Variants in ZNF780A observed in about 807,000 individuals in gnomAD.
The protein encoded by ZNF780A is zinc finger protein 780A.
Under a neutral mutation model 56.7 loss-of-function variants are expected in ZNF780A, and 40 were observed. That is an observed-to-expected ratio of 0.71 (90% CI 0.55 to 0.92). The LOEUF (loss-of-function observed/expected upper bound fraction) is 0.92, where lower values mean the gene tolerates loss of function less well. ZNF780A is among the 40% of genes least tolerant of loss of function. The pLI is 0.00. For synonymous variants in ZNF780A, 231 were observed against 248.3 expected (o/e 0.93, Z 0.66); for missense variants, 672 against 783.3 (o/e 0.86, Z 1.70).
chr19:40,075,491 A>G lies in ZNF780A; in HGVS notation c.951T>C (p.His317=), dbSNP rs1974066319. The G allele has an allele frequency of 6.2e-7, 1 of 1,613,002 alleles. No homozygotes were observed. Among genetic ancestry groups the G allele is most frequent in the African/African-American group, 1.3e-5 (1 of 74,532 alleles). ...TTTGGCAATGTTCAATAAGTTGGTAATGATATCGAAAGGCCATCCCACATT... is the reference window on the plus strand; with the variant it reads ...TTTGGCAATGTTCAATAAGTTGGTAGTGATATCGAAAGGCCATCCCACATT... ...CKECGMAFRY[H]YQLIEHCQIH... The change falls in exon 6 of 6, where the codon CAT becomes CAC. Residue 317 remains histidine, a synonymous_variant. Transcript: ENST00000683561.
At chr19:40,080,189 C>A (rs1974392701) in intron 5 of ZNF780A, among the ~76,000 whole-genome samples, 1 of 152,128 alleles carries the variant, frequency 6.6e-6, no homozygotes, top group African/African-American at 2.4e-5. Flanking sequence ...AACTCCAGGA[C>A]TGATGGCTTC....
At position 40,083,105 on chromosome 19, in the gene ZNF780A, C is replaced by T. The variant is rs776602442; in HGVS notation, c.136+6G>A. On this transcript the variant is annotated splice_donor_region_variant and intron_variant, in intron 4 of 5. Coordinates refer to ENST00000683561, the MANE Select transcript of ZNF780A (RefSeq NM_001142578.2). ...TATAAAAATAGCTGGGACTCAACGACCTTACCCAGTGAGATCAGGTGGCTG... is the reference window on the plus strand; with the variant it reads ...TATAAAAATAGCTGGGACTCAACGATCTTACCCAGTGAGATCAGGTGGCTG... The T allele has an allele frequency of 3.1e-6, 5 of 1,614,060 alleles. No individual in the cohort carries two copies. In the African/African-American group the frequency reaches 6.7e-5, roughly 22 times the overall value.
At chr19:40,080,273 G>A (rs941692775) in intron 5 of ZNF780A, among the ~76,000 whole-genome samples, 15 of 152,120 alleles carry the variant, frequency 9.9e-5, no homozygotes, top group African/African-American at 3.4e-4. Flanking sequence ...TTCAGAGAAG[G>A]GAATTCTCCT....
rs763974437 is a variant in ZNF780A at position 40,081,792 on chromosome 19, C to T, written c.232+27G>A. The T allele has an allele frequency of 1.0e-5, 16 of 1,571,502 alleles. 1 individual carries two copies. Among genetic ancestry groups the T allele is most frequent in the Middle Eastern group, 1.7e-4 (1 of 5,938 alleles). On this transcript the variant is annotated intron_variant, in intron 5 of 5. Transcript: ENST00000683561. Reference sequence around the variant, plus strand: ...CACATGTCCAGGACAATGATGGCTTCCCCCCGCCTGCTTTACCCTCACTTA... The same window carrying T: ...CACATGTCCAGGACAATGATGGCTTTCCCCCGCCTGCTTTACCCTCACTTA...
At position 40,074,424 on chromosome 19, in the gene ZNF780A, C is replaced by T. The variant is rs1366839638; in HGVS notation, c.*92G>A. On this transcript the variant is annotated 3_prime_UTR_variant, in exon 6 of 6. Coordinates refer to ENST00000683561, the MANE Select transcript of ZNF780A (RefSeq NM_001142578.2). ...CCACAAATGAAGCCTTTCCCACACC[C>T]CTTACATTCACATGGTTTTACACCA... 8 of 1,570,396 alleles carry T rather than the reference C, an allele frequency of 5.1e-6. No individual in the cohort carries two copies. The highest frequency in any genetic ancestry group is 1.8e-5 in the Admixed American group (1 of 54,186).
Position 40,075,190 on chromosome 19 carries a change from C to T in ZNF780A, c.1252G>A (p.Glu418Lys). ...AAGCCTTTCCCACACTCCTTACATT[C>T]ATATGGTTTTATACCAGCATGAATA... Reference protein sequence around the residue: ...QSIHAGIKPYECKECGKGFNR... With the variant: ...QSIHAGIKPYKCKECGKGFNR... The change falls in exon 6 of 6, where the codon GAA becomes AAA. Residue 418 changes from glutamate to lysine, a missense_variant. Coordinates refer to ENST00000683561, the MANE Select transcript of ZNF780A (RefSeq NM_001142578.2). The T allele has an allele frequency of 6.2e-7, 1 of 1,613,372 alleles. No individual in the cohort carries two copies. The highest frequency in any genetic ancestry group is 8.5e-7 in the Non-Finnish European group (1 of 1,179,862).
At chr19:40,087,154 T>C (rs1974850998) in intron 2 of ZNF780A, among the ~76,000 whole-genome samples, 1 of 152,210 alleles carries the variant, frequency 6.6e-6, no homozygotes, top group Admixed American at 6.5e-5. Context: ...AGCTTAATGA[T>C]TTCTGTATTA....
chr19:40,085,401 A>C, intron 2 of ZNF780A: 1 of 953,936 alleles, frequency 1.0e-6, no homozygotes, highest in Non-Finnish European at 1.2e-6. Context: ...CGTTCAAGAT[A>C]TATGATTAAC....
At chr19:40,080,339 C>CA (rs1276902831) in intron 5 of ZNF780A, among the ~76,000 whole-genome samples, 5 of 151,908 alleles carry the variant, frequency 3.3e-5, no homozygotes, top group Admixed American at 3.3e-4. Context: ...AAGGAAGAAA[C>CA]AAAAAAAGAA....
chr19:40,084,174 G>A (rs1410101707), intron 3 of ZNF780A, among the ~76,000 whole-genome samples: 3 of 152,044 alleles, frequency 2.0e-5, no homozygotes, highest in Admixed American at 1.3e-4. Flanking sequence ...CTCCCAAAGT[G>A]CTGGGATTGC....
At chr19:40,077,149 C>T (rs1599836255) in intron 5 of ZNF780A, among the ~76,000 whole-genome samples, 1 of 152,216 alleles carries the variant, frequency 6.6e-6, no homozygotes, top group Middle Eastern at 3.4e-3. Flanking sequence ...GGCCCCAAAA[C>T]AGGCACATCT....
At chr19:40,085,815 G>A (rs1342129352) in intron 2 of ZNF780A, among the ~76,000 whole-genome samples, 1 of 152,056 alleles carries the variant, frequency 6.6e-6, no homozygotes, top group Non-Finnish European at 1.5e-5. Flanking sequence ...AGGAGGCGGA[G>A]GTTGCAGTAA....
In ZNF780A at chr19:40,074,687, A is replaced by C. The variant is rs763558075; in HGVS notation, c.1755T>G (p.Phe585Leu). The C allele has an allele frequency of 1.2e-6, 2 of 1,614,172 alleles. No individual in the cohort carries two copies. Among genetic ancestry groups the C allele is most frequent in the African/African-American group, 2.7e-5 (2 of 75,064 alleles). Residue 585 changes from phenylalanine (F) to leucine (L), a missense_variant, in exon 6 of 6, where the codon TTT becomes TTG. Coordinates refer to ENST00000683561, the MANE Select transcript of ZNF780A (RefSeq NM_001142578.2). ...HQKLHTGEKP[F>L]ECKECGKAFR... ...AGGCTTTCCCACACTCCTTACATTC[A>C]AAGGGTTTCTCACCAGTATGCAATT...
At chr19:40,070,260 A>G (rs1323449904), downstream of ZNF780A, 1 of 152,154 alleles carries the variant, frequency 6.6e-6, no homozygotes, top group Non-Finnish European at 1.5e-5. Context: ...ACTAAGCACA[A>G]CTTAAGGGGA....
At chr19:40,072,761 T>C (rs1315812159), downstream of ZNF780A, 18 of 1,331,786 alleles carry the variant, frequency 1.4e-5, no homozygotes, top group Middle Eastern at 1.9e-4. Context: ...ATAAAAAACA[T>C]AGAGGCCCAG....
intron 3 of ZNF780A, among the ~76,000 whole-genome samples, chr19:40,083,667 GAAA>G (rs571135549): frequency 4.5e-5 from 2 of 44,666 alleles, no homozygotes; most frequent in African/African-American, 8.0e-5. Flanking sequence ...CTGTCTCAGA[GAAA>G]AAAAAAAAAA....
downstream of ZNF780A, chr19:40,072,936 A>C (rs1200286377): frequency 1.3e-6 from 2 of 1,550,530 alleles, no homozygotes; most frequent in Admixed American, 3.9e-5. Flanking sequence ...TCTCCTTTGA[A>C]TATGAATAGC....
Position 40,074,871 on chromosome 19 carries a change from G to A in ZNF780A, c.1571C>T (p.Thr524Ile), listed in dbSNP as rs934949645. 5.0e-6 allele frequency: 8 copies of A among 1,614,068 alleles called. No individual in the cohort carries two copies. The highest frequency in any genetic ancestry group is 6.8e-6 in the Non-Finnish European group (8 of 1,180,034). ...CTTACATTCAAATGGTTTTTCACCT[G>A]TGTGAGTTTTCTGATGTTGGGAAAG... The part of the protein sequence containing the change: ...LQLSQHQKTH[T>I]GEKPFECKEC... Residue 524 changes from threonine to isoleucine, a missense_variant, in exon 6 of 6, where the codon ACA becomes ATA. By Grantham distance (89) the Thr-to-Ile change is moderately conservative. Coordinates refer to ENST00000683561, the MANE Select transcript of ZNF780A (RefSeq NM_001142578.2).
rs752662913 is a variant in ZNF780A, at chr19:40,075,008, A to G, written c.1434T>C (p.Cys478=). The G allele has an allele frequency of 4.3e-6, 7 of 1,614,192 alleles. No individual in the cohort carries two copies. In the East Asian group the frequency reaches 1.6e-4, roughly 36 times the overall value. Residue 478 remains cysteine, a synonymous_variant, in exon 6 of 6, where the codon TGT becomes TGC. Coordinates refer to ENST00000683561, the MANE Select transcript of ZNF780A (RefSeq NM_001142578.2). ...TGDKPFECQD[C]GKAFNRGSSL... ...TTGAGCCACGATTGAAGGCCTTCCC[A>G]CAGTCTTGACATTCAAATGGCTTGT...
Sources: gnomAD v4.1 joint callset for allele counts (sites outside exome capture counted in the v4.1 genomes callset) on GRCh38, gnomAD v4.1.1 for gene constraint, MANE v1.5 for transcripts, NCBI Gene and HGNC (gene_info 2026-07-23, HGNC 2026-07-21) for gene names.